GNA15: variants seen among roughly 807,000 people sequenced by gnomAD.
The protein encoded by GNA15 is guanine nucleotide-binding protein subunit alpha-15.
In GNA15, 23 loss-of-function variants were observed where a neutral mutation model predicts 40.1. The observed-to-expected ratio is 0.57, with a 90% confidence interval of 0.41 to 0.81. The LOEUF (loss-of-function observed/expected upper bound fraction) is 0.81. Ranked by LOEUF, GNA15 falls within the 40% of genes least tolerant of loss-of-function variation. The probability of loss-of-function intolerance (pLI) is 0.00; values close to 1 mark genes in which losing one functional copy is unlikely to be tolerated. For synonymous variants in GNA15, 226 were observed against 210.4 expected (o/e 1.07, Z -0.64); for missense variants, 522 against 515.8 (o/e 1.01, Z -0.12).
At chr19:3,148,126 T>G (rs564118587) in intron 1 of GNA15, among the ~76,000 whole-genome samples, 1 of 152,074 alleles carries the variant, frequency 6.6e-6, no homozygotes, top group East Asian at 1.9e-4. Flanking sequence ...TCTCGCCCTG[T>G]CGCTCAGGCT....
In GNA15 at chr19:3,162,844, C is replaced by A; in HGVS notation, c.950C>A (p.Thr317Lys). ...AAGAGGTTCATCCTGGACATGTACA[C>A]GAGGATGTACACCGGGTGCGTGGAC... ...AAKRFILDMY[T>K]RMYTGCVDGP... is the part of the protein sequence containing the mutation. Residue 317 changes from threonine (T) to lysine (K), a missense_variant, in exon 7 of 7, where the codon ACG (threonine) becomes AAG (lysine). Thr to Lys is a moderately conservative substitution (Grantham distance 78). Coordinates refer to ENST00000262958, the MANE Select transcript of GNA15 (RefSeq NM_002068.4). 2 of 1,613,826 alleles carry A rather than the reference C, an allele frequency of 1.2e-6. No individual in the cohort carries two copies. Among genetic ancestry groups the A allele is most frequent in the South Asian group, 1.1e-5 (1 of 91,078 alleles).
chr19:3,139,134 T>G (rs1359197310), intron 1 of GNA15, among the ~76,000 whole-genome samples: 2 of 151,172 alleles, frequency 1.3e-5, no homozygotes, highest in African/African-American at 2.4e-5. Flanking sequence ...TTAGTAGAGA[T>G]GGGGTTTCAC....
chr19:3,151,567 C>A lies in GNA15; in HGVS notation c.486-140C>A. 1 of 936,972 alleles carries A rather than the reference C, an allele frequency of 1.1e-6. No individual in the cohort carries two copies. Among genetic ancestry groups the A allele is most frequent in the Non-Finnish European group, 1.5e-6 (1 of 647,214 alleles). 58.0% of individuals were successfully genotyped at this position (936,972 alleles called of 1,614,324 possible). On this transcript the variant is annotated intron_variant, in intron 3 of 6. Transcript: ENST00000262958. The surrounding 1 kb of genome is among the most constrained non-coding windows in gnomAD (Gnocchi z 5.0). ...CCTCAGGTGGGGGACGCTCCTGGGC[C>A]ATCTGCCAACTCCAGGGACCCCACC...
chr19:3,153,640 A>G (rs1426282894), intron 4 of GNA15, among the ~76,000 whole-genome samples: 2 of 143,642 alleles, frequency 1.4e-5, no homozygotes, highest in African/African-American at 5.2e-5. Flanking sequence ...GGGTGAATGG[A>G]TGGGTGGGTG....
Position 3,150,296 on chromosome 19 carries a change from G to C in GNA15, c.485+11G>C. The C allele has an allele frequency of 6.4e-7, 1 of 1,551,236 alleles. No homozygotes were observed. Among genetic ancestry groups the C allele is most frequent in the Non-Finnish European group, 8.7e-7 (1 of 1,148,958 alleles). The stretch of plus-strand genomic sequence containing the variant: ...CGATTCAGCCGTGTAGTGAGTCTGG[G>C]GTCTGCGGGGGATGGGCGCGTGGGG... On this transcript the variant is annotated intron_variant, in intron 3 of 6. Coordinates refer to ENST00000262958, the MANE Select transcript of GNA15 (RefSeq NM_002068.4).
intron 6 of GNA15, among the ~76,000 whole-genome samples, chr19:3,161,813 G>A (rs776519437): frequency 1.9e-4 from 29 of 152,202 alleles, no homozygotes; most frequent in African/African-American, 6.3e-4. Context: ...CGCGCAGATC[G>A]CTTTAGGTCA....
At chr19:3,156,879 C>T (rs571562266) in intron 5 of GNA15, among the ~76,000 whole-genome samples, 1 of 152,124 alleles carries the variant, frequency 6.6e-6, no homozygotes, top group East Asian at 1.9e-4. Flanking sequence ...GTTAATTCCT[C>T]GTGTGATGGC....
At chr19:3,161,646 A>AT (rs1197817407) in intron 6 of GNA15, among the ~76,000 whole-genome samples, 1 of 152,022 alleles carries the variant, frequency 6.6e-6, no homozygotes, top group Non-Finnish European at 1.5e-5. Context: ...TAAGGTAGAT[A>AT]TTTTTTTCAT....
intron 1 of GNA15, among the ~76,000 whole-genome samples, chr19:3,145,640 C>G (rs1313660672): frequency 1.1e-5 from 1 of 87,532 alleles, no homozygotes; most frequent in African/African-American, 4.5e-5. Context: ...ACCTCTGCCT[C>G]GAGTTCAAGC....
chr19:3,139,904 C>T (rs564425958), intron 1 of GNA15, among the ~76,000 whole-genome samples: 195 of 151,916 alleles, frequency 1.3e-3, no homozygotes, highest in Non-Finnish European at 2.1e-3. Flanking sequence ...CGTGGTGGTG[C>T]GCACCTGTAG....
chr19:3,137,473 G>T (rs989703907), intron 1 of GNA15, among the ~76,000 whole-genome samples: 2 of 151,968 alleles, frequency 1.3e-5, no homozygotes, highest in African/African-American at 4.8e-5. Context: ...ACATGGTGAA[G>T]CCCCGTCTCT....
intron 1 of GNA15, among the ~76,000 whole-genome samples, chr19:3,145,770 A>AC (rs768431035): frequency 6.7e-6 from 1 of 149,282 alleles, no homozygotes; most frequent in Non-Finnish European, 1.5e-5. Flanking sequence ...CTGGTCTCGA[A>AC]CTCCTGACCT....
At chr19:3,149,822 TC>T (rs1451550728) in intron 2 of GNA15, 7 of 269,886 alleles carry the variant, frequency 2.6e-5, no homozygotes, top group Non-Finnish European at 5.0e-5. Context: ...GTGCCGTGCT[TC>T]CTGGGAGCCA....
At chr19:3,156,408 CGCACACACATGA>C (rs1175434803) in intron 5 of GNA15, among the ~76,000 whole-genome samples, 9 of 149,264 alleles carry the variant, frequency 6.0e-5, no homozygotes, top group Admixed American at 4.7e-4. Flanking sequence ...TGTACACATG[CGCACACACATGA>C]ACACACACAT....
At position 3,163,125 on chromosome 19, in the gene GNA15, C is replaced by A; in HGVS notation, c.*106C>A. ...TCTATCTCTCCAGCCTCGGCCCACACGCAAGGGAGTCGGGGGACGGACGGC... is the reference window on the plus strand; with the variant it reads ...TCTATCTCTCCAGCCTCGGCCCACAAGCAAGGGAGTCGGGGGACGGACGGC... On this transcript the variant is annotated 3_prime_UTR_variant, in exon 7 of 7. Transcript: ENST00000262958. 2.7e-6 allele frequency: 2 copies of A among 731,388 alleles called. No individual in the cohort carries two copies. The highest frequency in any genetic ancestry group is 4.7e-6 in the Non-Finnish European group (2 of 424,388). The allele number at this position is 731,388 out of a possible 1,614,324, so 45.3% of individuals were successfully genotyped here.
At position 3,136,137 on chromosome 19, in the gene GNA15, T is replaced by A. The variant is rs988647175; in HGVS notation, c.-314T>A. ...CTGGGGCCCCCACCTCACCCTCTCC[T>A]GGCACCCTTCACCGTCAACCTGTCG... On this transcript the variant is annotated 5_prime_UTR_variant, in exon 1 of 7. Transcript: ENST00000262958. This position sits in a 1 kb window ranked among gnomAD's most constrained non-coding sequence, Gnocchi z 4.9. 6 of 210,300 alleles carry A rather than the reference T, an allele frequency of 2.9e-5. No individual in the cohort carries two copies. The highest frequency in any genetic ancestry group is 7.2e-5 in the African/African-American group (3 of 41,444). The allele number at this position is 210,300 out of a possible 1,614,324, so 13.0% of individuals were successfully genotyped here.
intron 5 of GNA15, among the ~76,000 whole-genome samples, chr19:3,156,468 GCACA>G (rs200170743): frequency 7.2e-6 from 1 of 139,548 alleles, no homozygotes; most frequent in African/African-American, 2.5e-5. Flanking sequence ...GCACACACAG[GCACA>G]CACACGCACA....
chr19:3,156,064 G>A, intron 5 of GNA15, 112 bp downstream of exon 5: 1 of 1,022,736 alleles, frequency 9.8e-7, no homozygotes, highest in Non-Finnish European at 1.4e-6. Flanking sequence ...GGGCCTGTGT[G>A]TGCCCAGCAT....
chr19:3,151,817 T>G lies in GNA15; in HGVS notation c.596T>G (p.Val199Gly). The change falls in exon 4 of 7, where the codon GTG (valine) becomes GGG (glycine). Residue 199 changes from valine (V) to glycine (G), a missense_variant. By Grantham distance (109) the Val-to-Gly change is moderately radical. Transcript: ENST00000262958. The surrounding 1 kb of genome is among the most constrained non-coding windows in gnomAD (Gnocchi z 5.0). ...TTGINEYCFS[V>G]QKTNLRIVDV... ...GGCATCAACGAGTACTGCTTCTCCG[T>G]GCAGAAAACCAACCTGCGGTGAGCG... 3 of 1,611,700 alleles carry G rather than the reference T, an allele frequency of 1.9e-6. No homozygotes were observed. The highest frequency in any genetic ancestry group is 2.5e-6 in the Non-Finnish European group (3 of 1,179,198).
Sources: gnomAD v4.1 joint callset for allele counts (sites outside exome capture counted in the v4.1 genomes callset) on GRCh38, gnomAD v4.1.1 for gene constraint, Gnocchi (gnomAD v3.1) non-coding constraint, MANE v1.5 for transcripts, NCBI Gene and HGNC (gene_info 2026-07-23, HGNC 2026-07-21) for gene names.